The following CDCA5 variants were observed in gnomAD, a reference collection of about 807,000 sequenced individuals.
The protein encoded by CDCA5 is cell division cycle associated 5.
In CDCA5, 14 loss-of-function variants were observed where a neutral mutation model predicts 25.7. The ratio of observed to expected loss-of-function variants is 0.54; its 90% confidence interval spans 0.36 to 0.85. The LOEUF (loss-of-function observed/expected upper bound fraction) is 0.85. Ranked by LOEUF, CDCA5 falls within the 40% of genes least tolerant of loss-of-function variation. CDCA5 has a pLI of 0.01. For synonymous variants in CDCA5, 127 were observed against 128.7 expected, an observed-to-expected ratio of 0.99 and a Z score of 0.09; for missense variants, 307 against 324.5, an observed-to-expected ratio of 0.95 and a Z score of 0.41.
intron 4 of CDCA5, among the ~76,000 whole-genome samples, chr11:65,080,531 A>T (rs2137134712): frequency 6.6e-6 from 1 of 152,056 alleles, no homozygotes; most frequent in East Asian, 1.9e-4. Context: ...CTCCTACCTC[A>T]GCCTCTGAGT....
At chr11:65,074,234 A>G (rs995641955), downstream of CDCA5, among the ~76,000 whole-genome samples, 4 of 151,928 alleles carry the variant, frequency 2.6e-5, no homozygotes, top group African/African-American at 9.7e-5. Context: ...CACCACGCCC[A>G]CCTAATTTTT....
At chr11:65,081,510 A>T (rs1947566397) in intron 4 of CDCA5, among the ~76,000 whole-genome samples, 1 of 152,010 alleles carries the variant, frequency 6.6e-6, no homozygotes, top group Non-Finnish European at 1.5e-5. Flanking sequence ...CCAAGCAGTC[A>T]CCCAGGTCCT....
chr11:65,082,834 G>A (rs540236386), intron 4 of CDCA5, among the ~76,000 whole-genome samples: 4 of 151,932 alleles, frequency 2.6e-5, no homozygotes, highest in East Asian at 1.9e-4. Context: ...CATGGTCTGG[G>A]TTAGCTACCA....
In CDCA5 at chr11:65,079,481, C is replaced by A. The variant is rs779606963; in HGVS notation, c.550G>T (p.Val184Leu). The A allele has an allele frequency of 1.2e-6, 2 of 1,614,162 alleles. No individual in the cohort carries two copies. The highest frequency in any genetic ancestry group is 3.3e-5 in the Admixed American group (2 of 60,018). ...GGGACCTCGGTGAGTTTGGAGCACA[C>A]CACTGGCGAGACTCCGGACAAGTCT... The part of the protein sequence containing the change: ...AEDLSGVSPV[V>L]CSKLTEVPRV... The change falls in exon 5 of 6, where the codon GTG (valine) becomes TTG (leucine). Residue 184 changes from valine to leucine, a missense_variant. By Grantham distance (32) the Val-to-Leu change is conservative (BLOSUM62 1). Coordinates refer to ENST00000275517, the MANE Select transcript of CDCA5 (RefSeq NM_080668.4).
chr11:65,077,797 C>T lies in CDCA5; in HGVS notation c.*1310G>A, dbSNP rs1187469567. On this transcript the variant is annotated 3_prime_UTR_variant, in exon 6 of 6. Transcript: ENST00000275517. ...TTATTAGGGCCCGCCTGGCCTGCACCGTTTCATCCAAGTACCCTGACCCAG... is the reference window on the plus strand; with the variant it reads ...TTATTAGGGCCCGCCTGGCCTGCACTGTTTCATCCAAGTACCCTGACCCAG... 95 of 985,560 alleles carry T rather than the reference C, an allele frequency of 9.6e-5. No homozygotes were observed. The highest frequency in any genetic ancestry group is 1.1e-4 in the Non-Finnish European group (93 of 830,046). The allele number at this position is 985,560 out of a possible 1,614,324, so 61.1% of individuals were successfully genotyped here.
chr11:65,064,775 T>A (rs895900958), downstream of CDCA5, among the ~76,000 whole-genome samples: 2 of 152,108 alleles, frequency 1.3e-5, no homozygotes, highest in African/African-American at 4.8e-5. Context: ...AATCCCAGCA[T>A]GTTGGCAGGC....
chr11:65,083,599 AG>A (rs1565292605), intron 2 of CDCA5, 29 bp downstream of exon 2: 2 of 1,614,138 alleles, frequency 1.2e-6, no homozygotes, highest in Admixed American at 3.3e-5. Flanking sequence ...AGGGGCCACA[AG>A]GGGAGGAAGT....
rs187457201 is a variant in CDCA5, at chr11:65,080,122, C to T, written c.244-335G>A. 9.4e-4 allele frequency among the ~76,000 whole-genome samples: 143 copies of T among 152,280 alleles called. 2 individuals are homozygous for T. Among genetic ancestry groups the T allele is most frequent in the African/African-American group, 2.9e-3 (120 of 41,556 alleles). On this transcript the variant is annotated intron_variant, in intron 4 of 5. Transcript: ENST00000275517. ...AGCCAGGAGGGTCTCGATTTCCTGA[C>T]CTCGTGATCCGCCCGCCTCGGCCTC...
At position 65,084,021 on chromosome 11, in the gene CDCA5, G is replaced by C; in HGVS notation, c.-43C>G. 1 of 1,587,704 alleles carries C rather than the reference G, an allele frequency of 6.3e-7. No individual in the cohort carries two copies. Among genetic ancestry groups the C allele is most frequent in the Non-Finnish European group, 8.5e-7 (1 of 1,170,014 alleles). On this transcript the variant is annotated 5_prime_UTR_variant, in exon 1 of 6. Transcript: ENST00000275517. ...GAGCTCCTCCAGCGCCGCCGCCCCG[G>C]GCGCGCGCCAACCGGGAAGGCCACT...
chr11:65,083,273 C>T (rs1005753275), intron 4 of CDCA5, 91 bp downstream of exon 4: 5 of 1,484,592 alleles, frequency 3.4e-6, no homozygotes, highest in Non-Finnish European at 3.7e-6. Context: ...TGCAAAACAG[C>T]TCCCTGGGCA....
downstream of CDCA5, among the ~76,000 whole-genome samples, chr11:65,064,034 G>C (rs1947209112): frequency 1.3e-5 from 2 of 152,300 alleles, 1 homozygote; most frequent in South Asian, 4.1e-4. Flanking sequence ...TGGTTGGGGA[G>C]GGGGCTCCGT....
At chr11:65,081,419 C>A (rs562110175) in intron 4 of CDCA5, among the ~76,000 whole-genome samples, 1 of 151,352 alleles carries the variant, frequency 6.6e-6, no homozygotes, top group African/African-American at 2.4e-5. Flanking sequence ...CAGTGCGAGA[C>A]TCCATCTCAA....
chr11:65,079,325 C>T (rs1947509942), intron 5 of CDCA5, 28 bp downstream of exon 5: 2 of 1,613,958 alleles, frequency 1.2e-6, no homozygotes, highest in Non-Finnish European at 1.7e-6. Flanking sequence ...GAGCACACGG[C>T]AGAGAAAAAC....
intron 5 of CDCA5, 52 bp downstream of exon 5, chr11:65,079,301 C>T (rs764535684): frequency 6.2e-7 from 1 of 1,613,640 alleles, no homozygotes; most frequent in Non-Finnish European, 8.5e-7. Context: ...AGCCCCAGCC[C>T]TGCACGTCTC....
chr11:65,079,271 C>G lies in CDCA5; in HGVS notation c.678+82G>C, dbSNP rs747963159. On this transcript the variant is annotated intron_variant, in intron 5 of 5. Coordinates refer to ENST00000275517, the MANE Select transcript of CDCA5 (RefSeq NM_080668.4). The stretch of plus-strand genomic sequence containing the variant: ...CTCACCCACACCCTGCAGGTGCTGC[C>G]TATCCCCCAAAAGAGCCAGAGCCCC... The G allele has an allele frequency of 2.5e-6, 4 of 1,608,442 alleles. No individual in the cohort carries two copies. In the African/African-American group the frequency reaches 5.4e-5, roughly 22 times the overall value.
Position 65,079,607 on chromosome 11 carries a change from C to T in CDCA5, c.424G>A (p.Val142Ile). The T allele has an allele frequency of 6.2e-7, 1 of 1,611,526 alleles. No homozygotes were observed. Among genetic ancestry groups the T allele is most frequent in the Non-Finnish European group, 8.5e-7 (1 of 1,178,312 alleles). Reference protein sequence around the residue: ...DARDLEMSKKVRRSYSRLETL... With the variant: ...DARDLEMSKKIRRSYSRLETL... ...TCCAGCCGGCTGTAGGAACGCCTGA[C>T]TTTCTTAGACATTTCCAAGTCTCTG... is the stretch of plus-strand genomic sequence containing the variant. The change falls in exon 5 of 6, where the codon GTC becomes ATC. Residue 142 changes from valine (V) to isoleucine (I), a missense_variant. Coordinates refer to ENST00000275517, the MANE Select transcript of CDCA5 (RefSeq NM_080668.4).
At chr11:65,070,712 G>A (rs1201286025) in intron 1 of CDCA5, among the ~76,000 whole-genome samples, 1 of 152,050 alleles carries the variant, frequency 6.6e-6, no homozygotes, top group Non-Finnish European at 1.5e-5. Flanking sequence ...GAACTCCTGG[G>A]CTCAAGTGAT....
In CDCA5 at chr11:65,080,477, G is replaced by A. The variant is rs560034439; in HGVS notation, c.244-690C>T. Among the ~76,000 whole-genome samples the A allele has an allele frequency of 3.9e-5, 6 of 152,158 alleles. No homozygotes were observed. In the South Asian group the frequency reaches 8.3e-4, roughly 21 times the overall value. On this transcript the variant is annotated intron_variant, in intron 4 of 5. Coordinates refer to ENST00000275517, the MANE Select transcript of CDCA5 (RefSeq NM_080668.4). Reference sequence around the variant, plus strand: ...TGCCCAGGCTGGAGTGCAGTGGCACGATCATGGCTCACTGAAGCCTCAGCC... The same window carrying A: ...TGCCCAGGCTGGAGTGCAGTGGCACAATCATGGCTCACTGAAGCCTCAGCC...
At chr11:65,066,845 T>G (rs1947248162) in exon 5 of CDCA5, 1 of 1,289,210 alleles carries the variant, frequency 7.8e-7, no homozygotes, top group Non-Finnish European at 1.0e-6. Context: ...AGGGCCAGGT[T>G]GTGCACTTGG....
Sources: gnomAD v4.1 joint callset for allele counts (sites outside exome capture counted in the v4.1 genomes callset) on GRCh38, gnomAD v4.1.1 for gene constraint, MANE v1.5 for transcripts, NCBI Gene and HGNC (gene_info 2026-07-23, HGNC 2026-07-21) for gene names.